KIDINS220: variants seen among roughly 807,000 people sequenced by gnomAD.
The protein encoded by KIDINS220 is kinase D interacting substrate 220, also known as kinase D-interacting substrate of 220 kDa.
A neutral mutation model predicts 157.6 loss-of-function variants in KIDINS220; 63 were observed. The observed-to-expected ratio is 0.40, with a 90% CI of 0.33 to 0.49. The LOEUF is 0.49. Among genes scored for constraint, KIDINS220 ranks in the 20% least tolerant of loss-of-function variants. The pLI is 0.66. For synonymous variants in KIDINS220, 732 were observed against 783.6 expected, an observed-to-expected ratio of 0.93 and a Z score of 1.10; for missense variants, 1,772 against 2,171.2, an observed-to-expected ratio of 0.82 and a Z score of 3.65.
intron 29 of KIDINS220, among the ~76,000 whole-genome samples, chr2:8,733,113 T>C (rs1664380778): frequency 1.3e-5 from 2 of 152,208 alleles, no homozygotes; most frequent in African/African-American, 2.4e-5. Context: ...AGTTACTGAA[T>C]GCAACAGGAA....
chr2:8,756,570 A>G (rs1668039208), intron 22 of KIDINS220, among the ~76,000 whole-genome samples: 1 of 152,108 alleles, frequency 6.6e-6, no homozygotes. Context: ...TTATTTCTTG[A>G]AGTTCTGGAG....
At chr2:8,813,583 C>T (rs917010953) in intron 4 of KIDINS220, among the ~76,000 whole-genome samples, 2 of 152,202 alleles carry the variant, frequency 1.3e-5, no homozygotes, top group African/African-American at 4.8e-5. Context: ...AGAGAACATT[C>T]ATTATGAACT....
chr2:8,779,601 T>C, intron 18 of KIDINS220, 73 bp downstream of exon 18: 1 of 1,483,516 alleles, frequency 6.7e-7, no homozygotes, highest in Non-Finnish European at 9.1e-7. Context: ...TATTTTTAGA[T>C]ATTTGTGAAG....
At chr2:8,773,575 C>G (rs770065556) in intron 21 of KIDINS220, among the ~76,000 whole-genome samples, 9 of 151,794 alleles carry the variant, frequency 5.9e-5, no homozygotes, top group Non-Finnish European at 1.2e-4. Context: ...TGGGTTCAAG[C>G]AATTCTCCTG....
chr2:8,734,774 T>C (rs764902447), intron 27 of KIDINS220, 21 bp from the exon 28 acceptor site: 50 of 1,513,842 alleles, frequency 3.3e-5, no homozygotes, highest in Non-Finnish European at 4.4e-5. Context: ...ATTAAAACAA[T>C]TATGGGTATA....
At chr2:8,805,155 G>A (rs955105886) in intron 7 of KIDINS220, among the ~76,000 whole-genome samples, 12 of 152,224 alleles carry the variant, frequency 7.9e-5, no homozygotes, top group Non-Finnish European at 1.2e-4. Flanking sequence ...GAGCACAGGA[G>A]CTTCTGTCCC....
rs201273788 is a variant in KIDINS220, at chr2:8,750,329, C to G, written c.3197G>C (p.Arg1066Pro). The change falls in exon 24 of 30, where the codon CGT (arginine) becomes CCT (proline). Residue 1066 changes from arginine (R) to proline (P), a missense_variant. Arg to Pro is a moderately radical substitution (Grantham distance 103). This residue lies in a region of KIDINS220 where 793 missense variants were observed against 885.5 expected (regional missense o/e 0.90). Coordinates refer to ENST00000256707, the MANE Select transcript of KIDINS220 (RefSeq NM_020738.4). ...AATACTGATCTGCTCTCTGGCAGCA[C>G]GAACATCTGAAAGATTCAATCAGAC... Reference protein sequence around the residue: ...PKLREIIADVRAAREQISIGG... With the variant: ...PKLREIIADVPAAREQISIGG... 3 of 1,552,584 alleles carry G rather than the reference C, an allele frequency of 1.9e-6. No homozygotes were observed. The highest frequency in any genetic ancestry group is 2.7e-5 in the African/African-American group (2 of 73,734).
chr2:8,765,352 T>C (rs1275705999), intron 22 of KIDINS220, among the ~76,000 whole-genome samples: 3 of 152,168 alleles, frequency 2.0e-5, no homozygotes, highest in African/African-American at 7.2e-5. Context: ...TTCCTACACC[T>C]AGCAGTCTTC....
downstream of KIDINS220, chr2:8,721,915 C>G (rs1307344450): frequency 6.6e-6 from 1 of 152,128 alleles, no homozygotes; most frequent in Non-Finnish European, 1.5e-5. Flanking sequence ...TGTGTTCAAA[C>G]ACGGCAAGCC....
chr2:8,835,336 C>G (rs1414589156), intron 1 of KIDINS220, among the ~76,000 whole-genome samples: 1 of 152,144 alleles, frequency 6.6e-6, no homozygotes, highest in African/African-American at 2.4e-5. Flanking sequence ...CAGCCATGTT[C>G]TCTAGCATCA....
chr2:8,776,697 G>T (rs1670999112), intron 21 of KIDINS220, 51 bp downstream of exon 21: 2 of 1,519,530 alleles, frequency 1.3e-6, no homozygotes, highest in Non-Finnish European at 1.8e-6. Flanking sequence ...AAATGGTTTT[G>T]TGAATGCTAA....
chr2:8,818,517 T>C lies in KIDINS220; in HGVS notation c.207+178A>G, dbSNP rs142057423. Among the ~76,000 whole-genome samples, 15 of 152,300 alleles carry C rather than the reference T, an allele frequency of 9.8e-5. No individual in the cohort carries two copies. The East Asian group carries it at 1.2e-3, about 12-fold the overall frequency. ...AAAACCAAAGAGCTGAGATCCTTCA[T>C]TGAAAGTAAAAATTTCTCTCCTGTA... On this transcript the variant is annotated intron_variant, in intron 3 of 29. Transcript: ENST00000256707.
downstream of KIDINS220, chr2:8,726,936 T>C: frequency 7.8e-7 from 1 of 1,287,970 alleles, no homozygotes. Flanking sequence ...AAGGCCAGCA[T>C]TTTCTTCCTA....
At chr2:8,826,946 A>G (rs780612781) in intron 2 of KIDINS220, 40 bp downstream of exon 2, 3 of 1,171,342 alleles carry the variant, frequency 2.6e-6, no homozygotes, top group Non-Finnish European at 3.8e-6. Context: ...CAGTCAACAA[A>G]TATTTGTGAA....
chr2:8,756,025 A>C (rs926287334), intron 22 of KIDINS220, among the ~76,000 whole-genome samples: 1 of 152,264 alleles, frequency 6.6e-6, no homozygotes, highest in Middle Eastern at 3.4e-3. Flanking sequence ...AGGCTACTGG[A>C]ATTTTGATAG....
intron 21 of KIDINS220, among the ~76,000 whole-genome samples, chr2:8,773,087 T>C (rs1558390736): frequency 6.6e-6 from 1 of 152,218 alleles, no homozygotes; most frequent in Non-Finnish European, 1.5e-5. Context: ...TTTTTCAACA[T>C]AGCACTTTTA....
At chr2:8,776,503 A>G (rs1670973182) in intron 21 of KIDINS220, among the ~76,000 whole-genome samples, 1 of 152,208 alleles carries the variant, frequency 6.6e-6, no homozygotes, top group Non-Finnish European at 1.5e-5. Context: ...GAAAAACTTG[A>G]AGCAAAAGAT....
chr2:8,829,314 A>C (rs985595320), intron 1 of KIDINS220, among the ~76,000 whole-genome samples: 1 of 152,238 alleles, frequency 6.6e-6, no homozygotes, highest in Non-Finnish European at 1.5e-5. Context: ...TTACATGTAA[A>C]GTATAAATCA....
At chr2:8,728,213 G>A (rs1283297290), downstream of KIDINS220, among the ~76,000 whole-genome samples, 2 of 152,106 alleles carry the variant, frequency 1.3e-5, no homozygotes, top group African/African-American at 2.4e-5. Context: ...GTGGTGGCAC[G>A]TGCCTATAGT....
Sources: gnomAD v4.1 joint callset for allele counts (sites outside exome capture counted in the v4.1 genomes callset) on GRCh38, gnomAD v4.1.1 for gene constraint, gnomAD v4.1.1 regional missense constraint, MANE v1.5 for transcripts, NCBI Gene and HGNC (gene_info 2026-07-23, HGNC 2026-07-21) for gene names.